GUCY1A2: variants seen among roughly 807,000 people sequenced by gnomAD.
The protein encoded by GUCY1A2 is guanylate cyclase 1 soluble subunit alpha 2, also known as guanylate cyclase soluble subunit alpha-2.
GUCY1A2 carries 27 observed loss-of-function variants against 63.5 expected under a neutral mutation model. The observed-to-expected ratio is 0.43, with a 90% CI of 0.31 to 0.59. GUCY1A2 has a LOEUF of 0.59. GUCY1A2 is among the 20% of genes least tolerant of loss of function. GUCY1A2 has a pLI of 0.11. For missense variants in GUCY1A2, 768 were observed against 913.3 expected (o/e 0.84, Z 2.05); for synonymous variants, 364 against 343.5 (o/e 1.06, Z -0.66).
intron 3 of GUCY1A2, among the ~76,000 whole-genome samples, chr11:106,963,612 C>T (rs1428388130): frequency 6.6e-6 from 1 of 152,190 alleles, no homozygotes; most frequent in South Asian, 2.1e-4. Flanking sequence ...CACCAAATCA[C>T]GTTATAAGGG....
chr11:106,777,309 C>T (rs559248529), intron 5 of GUCY1A2, among the ~76,000 whole-genome samples: 13 of 151,898 alleles, frequency 8.6e-5, no homozygotes, highest in South Asian at 6.2e-4. Flanking sequence ...TAACTGGGCA[C>T]GGTGGTGCGT....
At chr11:106,695,881 G>A (rs1207010142) in intron 7 of GUCY1A2, among the ~76,000 whole-genome samples, 2 of 152,176 alleles carry the variant, frequency 1.3e-5, no homozygotes, top group Non-Finnish European at 2.9e-5. Flanking sequence ...GAGGCAATCT[G>A]TGGGATCTAA....
At chr11:106,699,986 T>C (rs1349381315) in intron 7 of GUCY1A2, among the ~76,000 whole-genome samples, 1 of 152,012 alleles carries the variant, frequency 6.6e-6, no homozygotes, top group Non-Finnish European at 1.5e-5. Flanking sequence ...GGTTTCACCA[T>C]GTTAGCCAGG....
At chr11:106,798,759 G>A (rs1274123884) in intron 5 of GUCY1A2, among the ~76,000 whole-genome samples, 3 of 151,918 alleles carry the variant, frequency 2.0e-5, no homozygotes, top group African/African-American at 7.3e-5. Flanking sequence ...TTGATGGGAC[G>A]TATCTCAAAA....
rs200955415 is a variant in GUCY1A2 at position 106,770,047 on chromosome 11, TAACA to T, written c.1836+6388_1836+6391del. Among the ~76,000 whole-genome samples, 1,003 of 151,944 alleles carry T rather than the reference TAACA, an allele frequency of 6.6e-3. 54 individuals carry two copies. The East Asian group carries it at 0.11, about 16-fold the overall frequency. ...ATGGCATTAAAAAATAAAAAAAATA[TAACA>T]AACAAAAATAACAATTCAACAATTA... On this transcript the variant is annotated intron_variant, in intron 6 of 7. Coordinates refer to ENST00000526355, the MANE Select transcript of GUCY1A2 (RefSeq NM_000855.3).
chr11:106,906,356 T>G (rs1860205492), intron 4 of GUCY1A2, among the ~76,000 whole-genome samples: 1 of 152,160 alleles, frequency 6.6e-6, no homozygotes, highest in African/African-American at 2.4e-5. Context: ...TCATCACTGG[T>G]CATTAGAGCA....
chr11:106,689,575 AAAT>A (rs1862585504), intron 7 of GUCY1A2, among the ~76,000 whole-genome samples: 1 of 152,214 alleles, frequency 6.6e-6, no homozygotes, highest in African/African-American at 2.4e-5. Context: ...GCATTTCTGA[AAAT>A]AAGACACACA....
At chr11:106,694,893 T>G (rs1259053976) in intron 7 of GUCY1A2, among the ~76,000 whole-genome samples, 1 of 152,180 alleles carries the variant, frequency 6.6e-6, no homozygotes, top group East Asian at 1.9e-4. Flanking sequence ...CCTGTATATC[T>G]TCTGACTTAA....
chr11:106,730,324 A>C (rs1266524997), intron 6 of GUCY1A2, among the ~76,000 whole-genome samples: 1 of 151,406 alleles, frequency 6.6e-6, no homozygotes, highest in Non-Finnish European at 1.5e-5. Context: ...CTGTATGTAC[A>C]TGATGTTTAG....
intron 3 of GUCY1A2, among the ~76,000 whole-genome samples, chr11:106,966,919 G>A (rs1193689213): frequency 6.6e-6 from 1 of 151,998 alleles, no homozygotes; most frequent in Non-Finnish European, 1.5e-5. Flanking sequence ...TAAGAATAAT[G>A]AAAATAGAAA....
intron 4 of GUCY1A2, among the ~76,000 whole-genome samples, chr11:106,821,325 C>A (rs929811738): frequency 1.3e-5 from 2 of 152,140 alleles, no homozygotes; most frequent in African/African-American, 2.4e-5. Context: ...TAATACCTTA[C>A]ACAAACAAAC....
intron 4 of GUCY1A2, among the ~76,000 whole-genome samples, chr11:106,844,297 T>C (rs1191187156): frequency 6.6e-6 from 1 of 151,876 alleles, no homozygotes; most frequent in East Asian, 1.9e-4. Flanking sequence ...GAAAATATAA[T>C]ACAGGAAAAC....
At chr11:106,910,881 T>C (rs548752594) in intron 4 of GUCY1A2, among the ~76,000 whole-genome samples, 135 of 152,196 alleles carry the variant, frequency 8.9e-4, no homozygotes, top group African/African-American at 3.1e-3. Context: ...GCTAACATAA[T>C]GACTCTGAGA....
At position 106,714,756 on chromosome 11, in the gene GUCY1A2, A is replaced by AG. The variant is rs1049278602; in HGVS notation, c.1837-6091dup. On this transcript the variant is annotated intron_variant, in intron 6 of 7. Transcript: ENST00000526355. ...TTTGATTCTCACAACTGGGAGGGAG[A>AG]GGTGCTACTGGCATCTATCTGTTAG... Among the ~76,000 whole-genome samples, 506 of 152,180 alleles carry AG rather than the reference A, an allele frequency of 3.3e-3. 1 individual carries two copies. The highest frequency in any genetic ancestry group is 0.012 in the African/African-American group (488 of 41,514).
chr11:106,924,303 T>A (rs1000905794), intron 4 of GUCY1A2, among the ~76,000 whole-genome samples: 27 of 152,328 alleles, frequency 1.8e-4, no homozygotes, highest in African/African-American at 6.0e-4. Context: ...GGACAACTTC[T>A]TTATACCTTC....
intron 7 of GUCY1A2, among the ~76,000 whole-genome samples, chr11:106,700,962 G>A (rs1328277106): frequency 6.6e-6 from 1 of 152,022 alleles, no homozygotes; most frequent in Admixed American, 6.6e-5. Flanking sequence ...CAGAAGCAGA[G>A]TTTCTAGCTA....
At chr11:106,894,999 G>A (rs1860026970) in intron 4 of GUCY1A2, among the ~76,000 whole-genome samples, 1 of 152,040 alleles carries the variant, frequency 6.6e-6, no homozygotes, top group East Asian at 1.9e-4. Context: ...AAACTAATAA[G>A]CCTCTAGCCA....
intron 4 of GUCY1A2, among the ~76,000 whole-genome samples, chr11:106,905,411 T>C (rs1860191073): frequency 3.3e-5 from 5 of 152,092 alleles, no homozygotes; most frequent in Admixed American, 3.3e-4. Flanking sequence ...CATTGTCAGG[T>C]TCTAGTGAGG....
At chr11:106,801,907 C>T (rs1437571553) in intron 5 of GUCY1A2, among the ~76,000 whole-genome samples, 1 of 152,104 alleles carries the variant, frequency 6.6e-6, no homozygotes, top group Non-Finnish European at 1.5e-5. Context: ...ATCATAACAC[C>T]TATTCCACAG....
Sources: gnomAD v4.1 joint callset for allele counts (sites outside exome capture counted in the v4.1 genomes callset) on GRCh38, gnomAD v4.1.1 for gene constraint, MANE v1.5 for transcripts, NCBI Gene and HGNC (gene_info 2026-07-23, HGNC 2026-07-21) for gene names.